Variants in WWOX observed in about 807,000 individuals in gnomAD.
WWOX encodes WW domain containing oxidoreductase, also known as WW domain-containing oxidoreductase.
WWOX carries 69 observed loss-of-function variants against 46.2 expected under a neutral mutation model. The ratio of observed to expected loss-of-function variants is 1.49; its 90% CI spans 1.23 to 1.82. The LOEUF is 1.82. Among genes scored for constraint, WWOX ranks in the 40% most tolerant of loss-of-function variants. The pLI is 0.00. For synonymous variants in WWOX, 359 were observed against 202.6 expected (o/e 1.77, Z -6.56); for missense variants, 919 against 542.6 (o/e 1.69, Z -6.89).
At chr16:78,163,582 G>A (rs1364414430) in intron 4 of WWOX, among the ~76,000 whole-genome samples, 1 of 152,152 alleles carries the variant, frequency 6.6e-6, no homozygotes, top group Non-Finnish European at 1.5e-5. Flanking sequence ...GCAGATCTTG[G>A]CCCCCAAAAT....
At chr16:79,139,553 G>A (rs971117187) in intron 8 of WWOX, among the ~76,000 whole-genome samples, 1 of 152,082 alleles carries the variant, frequency 6.6e-6, no homozygotes, top group African/African-American at 2.4e-5. Context: ...CTTTGGAATC[G>A]AGCTGTGGAA....
chr16:78,355,397 T>G, intron 5 of WWOX: 1 of 246,168 alleles, frequency 4.1e-6, no homozygotes, highest in South Asian at 4.9e-5. Context: ...GGTCAGGAGA[T>G]CGAGACCATC....
At chr16:78,610,734 TAATC>T (rs1365816705) in intron 8 of WWOX, among the ~76,000 whole-genome samples, 2 of 152,134 alleles carry the variant, frequency 1.3e-5, no homozygotes, top group African/African-American at 2.4e-5. Context: ...GGATGTATCA[TAATC>T]AAACCGTCGG....
chr16:78,140,561 T>C (rs930845103), intron 4 of WWOX, among the ~76,000 whole-genome samples: 1 of 152,072 alleles, frequency 6.6e-6, no homozygotes, highest in Non-Finnish European at 1.5e-5. Context: ...TAGATGTTCA[T>C]TGGCCTGTGG....
chr16:78,593,726 T>TA (rs34397683), intron 8 of WWOX, among the ~76,000 whole-genome samples: 13 of 92,526 alleles, frequency 1.4e-4, no homozygotes, highest in African/African-American at 2.2e-4. Flanking sequence ...CTGTTGTAGT[T>TA]AAAAAAAAAA....
intron 5 of WWOX, among the ~76,000 whole-genome samples, chr16:78,361,048 C>T (rs1453461278): frequency 6.6e-6 from 1 of 152,060 alleles, no homozygotes; most frequent in Non-Finnish European, 1.5e-5. Context: ...GTTTTGAGCT[C>T]CTGGGCTCAA....
chr16:79,051,074 G>C (rs1185110803), intron 8 of WWOX, among the ~76,000 whole-genome samples: 1 of 152,160 alleles, frequency 6.6e-6, no homozygotes, highest in Admixed American at 6.5e-5. Flanking sequence ...CATTATATTT[G>C]CTGCCATCAC....
intron 5 of WWOX, chr16:78,355,710 C>G (rs542930604): frequency 6.7e-6 from 5 of 743,332 alleles, no homozygotes; most frequent in Admixed American, 3.8e-5. Context: ...GAAACTGTGA[C>G]TACTATAGAA....
intron 8 of WWOX, among the ~76,000 whole-genome samples, chr16:78,677,858 T>C (rs879845420): frequency 6.6e-6 from 1 of 152,140 alleles, no homozygotes; most frequent in Non-Finnish European, 1.5e-5. Context: ...AACCAAACAT[T>C]TCTTAGGCGT....
intron 8 of WWOX, among the ~76,000 whole-genome samples, chr16:78,630,680 C>T (rs569792116): frequency 6.6e-6 from 1 of 152,176 alleles, no homozygotes; most frequent in Non-Finnish European, 1.5e-5. Flanking sequence ...TGCCTTGCAT[C>T]CTTTTGCTGT....
At chr16:78,596,731 C>A (rs1006971779) in intron 8 of WWOX, among the ~76,000 whole-genome samples, 5 of 152,088 alleles carry the variant, frequency 3.3e-5, no homozygotes, top group Non-Finnish European at 5.9e-5. Flanking sequence ...TAAGCGAAGC[C>A]CTTTCATTAA....
intron 8 of WWOX, among the ~76,000 whole-genome samples, chr16:78,630,643 T>G (rs1034450822): frequency 1.3e-5 from 2 of 152,208 alleles, no homozygotes; most frequent in South Asian, 2.1e-4. Flanking sequence ...AGACTTCGCC[T>G]CATTCACCAT....
chr16:78,361,010 G>A (rs1333264410), intron 5 of WWOX, among the ~76,000 whole-genome samples: 1 of 152,032 alleles, frequency 6.6e-6, no homozygotes, highest in Non-Finnish European at 1.5e-5. Flanking sequence ...TTTTATCAAG[G>A]CAGGGTTTCA....
chr16:79,077,366 C>A (rs1412020815), intron 8 of WWOX: 2 of 152,138 alleles, frequency 1.3e-5, no homozygotes. Context: ...ATTGCCGTGG[C>A]CGGTCCCGAC....
At chr16:78,886,582 T>C (rs866922259) in intron 8 of WWOX, among the ~76,000 whole-genome samples, 4 of 150,872 alleles carry the variant, frequency 2.7e-5, no homozygotes, top group Middle Eastern at 3.5e-3. Context: ...TTGGTACACA[T>C]TGATATGTAT....
chr16:78,213,323 G>A (rs1717724654), intron 5 of WWOX, among the ~76,000 whole-genome samples: 1 of 150,444 alleles, frequency 6.6e-6, no homozygotes, highest in South Asian at 2.1e-4. Context: ...ATGTGCCTCT[G>A]TTCTTTCCCT....
At chr16:79,095,944 G>A (rs1176468150) in intron 8 of WWOX, among the ~76,000 whole-genome samples, 1 of 147,380 alleles carries the variant, frequency 6.8e-6, no homozygotes, top group Non-Finnish European at 1.5e-5. Flanking sequence ...CTGCCTCCCA[G>A]GTTCAAGTGA....
chr16:78,781,054 C>G (rs1023650383), intron 8 of WWOX, among the ~76,000 whole-genome samples: 1 of 152,144 alleles, frequency 6.6e-6, no homozygotes, highest in East Asian at 1.9e-4. Flanking sequence ...TTTGCAGCTG[C>G]AACCTCAAAA....
chr16:78,959,826 G>A (rs1432090920), intron 8 of WWOX, among the ~76,000 whole-genome samples: 2 of 152,114 alleles, frequency 1.3e-5, no homozygotes, highest in Non-Finnish European at 2.9e-5. Flanking sequence ...GAAATCATAC[G>A]GGGAACTATA....
Sources: allele counts gnomAD v4.1 joint callset (sites outside exome capture counted in the v4.1 genomes callset), GRCh38; gene constraint gnomAD v4.1.1; transcripts MANE v1.5; gene names NCBI Gene and HGNC (gene_info 2026-07-23, HGNC 2026-07-21).